YTHDF3: variants seen among roughly 807,000 people sequenced by gnomAD.
The protein encoded by YTHDF3 is YTH domain-containing family protein 3.
Under a neutral mutation model 52.5 loss-of-function variants are expected in YTHDF3, and 9 were observed. The observed-to-expected ratio is 0.17, with a 90% CI of 0.10 to 0.30. The LOEUF is 0.30. YTHDF3 is among the 10% of genes least tolerant of loss of function. The probability of loss-of-function intolerance (pLI) is 1.00; values close to 1 mark genes in which losing one functional copy is unlikely to be tolerated. For synonymous variants in YTHDF3, 274 were observed against 243.3 expected (o/e 1.13, Z -1.18); for missense variants, 534 against 715.0 (o/e 0.75, Z 2.89).
Position 63,211,725 on chromosome 8 carries a change from C to G in YTHDF3, c.*2019C>G, listed in dbSNP as rs1226695609. On this transcript the variant is annotated 3_prime_UTR_variant, in exon 5 of 5. Coordinates refer to ENST00000539294, the MANE Select transcript of YTHDF3 (RefSeq NM_152758.6). ...GTAAGAGTGTCATGGAAGCACTCAGCAAGCAGGCTGATTGCAATAGACTCA... is the reference window on the plus strand; with the variant it reads ...GTAAGAGTGTCATGGAAGCACTCAGGAAGCAGGCTGATTGCAATAGACTCA... The G allele has an allele frequency of 6.6e-6, 1 of 152,478 alleles. No homozygotes were observed. The highest frequency in any genetic ancestry group is 2.4e-5 in the African/African-American group (1 of 41,392). 9.4% of individuals were successfully genotyped at this position (152,478 alleles called of 1,614,324 possible). A position where few individuals can be genotyped will look rare whatever the true frequency, so the allele number is the denominator to read the frequency against.
At chr8:63,172,630 T>C (rs1807405027) in intron 2 of YTHDF3, 1 of 432,588 alleles carries the variant, frequency 2.3e-6, no homozygotes, top group Non-Finnish European at 3.9e-6. Context: ...AGCGGGTATA[T>C]GGTATTGTCG....
chr8:63,209,783 G>GT lies in YTHDF3; in HGVS notation c.*78dup. On this transcript the variant is annotated 3_prime_UTR_variant, in exon 5 of 5. Transcript: ENST00000539294. The stretch of plus-strand genomic sequence containing the variant: ...AAATGCCTAATAAGTCAAAGAAGAC[G>GT]TATTAAAGCTCTTTTCTGCTTAAGG... 3 of 1,382,014 alleles carry GT rather than the reference G, an allele frequency of 2.2e-6. No individual in the cohort carries two copies. Among genetic ancestry groups the GT allele is most frequent in the Admixed American group, 2.6e-5 (1 of 38,830 alleles). The allele number at this position is 1,382,014 out of a possible 1,614,324, so 85.6% of individuals were successfully genotyped here.
At chr8:63,178,242 C>G (rs537480565) in intron 3 of YTHDF3, among the ~76,000 whole-genome samples, 1 of 152,204 alleles carries the variant, frequency 6.6e-6, no homozygotes, top group African/African-American at 2.4e-5. Flanking sequence ...TTCTGGTATT[C>G]CATAGAGGCA....
At chr8:63,205,345 A>C (rs1398890452) in intron 4 of YTHDF3, among the ~76,000 whole-genome samples, 2 of 152,174 alleles carry the variant, frequency 1.3e-5, no homozygotes, top group African/African-American at 2.4e-5. Context: ...AGTACATGTA[A>C]TTATGATGTT....
chr8:63,195,680 A>G (rs1285428181), intron 4 of YTHDF3, among the ~76,000 whole-genome samples: 1 of 152,064 alleles, frequency 6.6e-6, no homozygotes, highest in Non-Finnish European at 1.5e-5. Flanking sequence ...GGAATACATG[A>G]GCCCAGGAGT....
chr8:63,169,402 G>A lies in YTHDF3; in HGVS notation c.40G>A (p.Gly14Arg). 1 of 1,601,406 alleles carries A rather than the reference G, an allele frequency of 6.2e-7. No homozygotes were observed. Reference protein sequence around the residue: ...TSVDQRPKGQGNKVSVQNGSI... With the variant: ...TSVDQRPKGQRNKVSVQNGSI... ...TGCAACACAGAGACCTAAAGGGCAA[G>A]GAAATAAAGGTGAGTTTGGATTTTT... Residue 14 changes from glycine (G) to arginine (R), a missense_variant, in exon 2 of 5, where the codon GGA becomes AGA. Transcript: ENST00000539294.
At chr8:63,189,506 AAATT>A (rs776207029) in intron 4 of YTHDF3, among the ~76,000 whole-genome samples, 12 of 152,234 alleles carry the variant, frequency 7.9e-5, no homozygotes, top group Non-Finnish European at 1.3e-4. Flanking sequence ...TCCTATGTAG[AAATT>A]AAGATAAAGA....
intron 4 of YTHDF3, among the ~76,000 whole-genome samples, chr8:63,200,978 C>T (rs1252816481): frequency 1.3e-5 from 2 of 152,104 alleles, no homozygotes; most frequent in Admixed American, 6.5e-5. Context: ...AGATGAATCA[C>T]AAGTCGAAGG....
chr8:63,204,946 C>T (rs1162531990), intron 4 of YTHDF3, among the ~76,000 whole-genome samples: 1 of 152,126 alleles, frequency 6.6e-6, no homozygotes, highest in African/African-American at 2.4e-5. Flanking sequence ...GCGGTAGGCT[C>T]CTCTTAGGAC....
intron 4 of YTHDF3, among the ~76,000 whole-genome samples, chr8:63,203,415 T>C (rs1178686545): frequency 6.6e-6 from 1 of 152,224 alleles, no homozygotes; most frequent in African/African-American, 2.4e-5. Flanking sequence ...ATATGGTATT[T>C]GTTATTTGGT....
intron 3 of YTHDF3, among the ~76,000 whole-genome samples, chr8:63,181,894 T>C (rs1443597498): frequency 6.6e-6 from 1 of 152,224 alleles, no homozygotes; most frequent in Non-Finnish European, 1.5e-5. Flanking sequence ...AATATTATTA[T>C]GACATTTTTC....
chr8:63,195,598 GA>G, intron 4 of YTHDF3, among the ~76,000 whole-genome samples: 1 of 152,062 alleles, frequency 6.6e-6, no homozygotes, highest in Non-Finnish European at 1.5e-5. Context: ...AGTGTTAAAA[GA>G]ATACAGGAAA....
chr8:63,206,684 A>C (rs1469060250), intron 4 of YTHDF3, among the ~76,000 whole-genome samples: 3 of 152,180 alleles, frequency 2.0e-5, no homozygotes, highest in Non-Finnish European at 2.9e-5. Context: ...AATAATACTA[A>C]TAAGTGTTCG....
At chr8:63,193,526 CAGA>C (rs772702994) in intron 4 of YTHDF3, among the ~76,000 whole-genome samples, 31 of 152,148 alleles carry the variant, frequency 2.0e-4, no homozygotes, top group Middle Eastern at 3.4e-3. Context: ...GAGGCTGAGG[CAGA>C]AGGATTGCTT....
rs1429827585 is a variant in YTHDF3, at chr8:63,180,065, C to T, written c.135+4649C>T. 5.5e-5 allele frequency among the ~76,000 whole-genome samples: 8 copies of T among 144,536 alleles called. No individual in the cohort carries two copies. The South Asian group carries it at 1.4e-3, about 25-fold the overall frequency. 94.8% of individuals were successfully genotyped at this position (144,536 alleles called of 152,430 possible). ...CTCCCGGACGGGGCGGCTGGCTGGG[C>T]GGGGGGCTGACCCCCCCCACCTCCC... On this transcript the variant is annotated intron_variant, in intron 3 of 4. Transcript: ENST00000539294.
intron 4 of YTHDF3, 72 bp downstream of exon 4, chr8:63,187,817 G>A (rs1443428237): frequency 5.0e-5 from 73 of 1,456,984 alleles, no homozygotes; most frequent in Non-Finnish European, 6.4e-5. Context: ...TATATTCTGA[G>A]TTTAAGAACT....
chr8:63,187,767 GT>G, intron 4 of YTHDF3, 22 bp downstream of exon 4: 1 of 1,557,804 alleles, frequency 6.4e-7, no homozygotes, highest in African/African-American at 1.4e-5. Flanking sequence ...GTAATTTTTT[GT>G]TTGGGGTCTT....
chr8:63,170,360 A>G (rs1448058989), intron 2 of YTHDF3, among the ~76,000 whole-genome samples: 2 of 152,260 alleles, frequency 1.3e-5, no homozygotes, highest in East Asian at 1.9e-4. Context: ...TTTATTTGCT[A>G]TTGCAAATTT....
At chr8:63,193,976 C>T (rs4739068) in intron 4 of YTHDF3, among the ~76,000 whole-genome samples, 13,189 of 151,506 alleles carry the variant, frequency 0.087, 791 homozygotes, top group East Asian at 0.35. Context: ...TTCTGGGATA[C>T]ATACCTAATA....
Sources: allele counts gnomAD v4.1 joint callset (sites outside exome capture counted in the v4.1 genomes callset), GRCh38; gene constraint gnomAD v4.1.1; transcripts MANE v1.5; gene names NCBI Gene and HGNC (gene_info 2026-07-23, HGNC 2026-07-21).